Variants in WDPCP observed in about 807,000 individuals in gnomAD.
WDPCP encodes WD repeat-containing and planar cell polarity effector protein fritz homolog.
Under a neutral mutation model 93.1 loss-of-function variants are expected in WDPCP, and 71 were observed. The ratio of observed to expected loss-of-function variants is 0.76; its 90% CI spans 0.63 to 0.93. WDPCP has a LOEUF of 0.93. Among genes scored for constraint, WDPCP ranks in the 40% least tolerant of loss-of-function variants. The pLI, the probability that WDPCP is intolerant of heterozygous loss-of-function variation, is 0.00. For synonymous variants in WDPCP, 315 were observed against 315.0 expected, an observed-to-expected ratio of 1.00 and a Z score of 0.00; for missense variants, 844 against 887.4, an observed-to-expected ratio of 0.95 and a Z score of 0.62.
At chr2:63,359,126 C>A (rs1291247840) in intron 12 of WDPCP, among the ~76,000 whole-genome samples, 1 of 152,016 alleles carries the variant, frequency 6.6e-6, no homozygotes, top group Admixed American at 6.6e-5. Context: ...TTTTCCTTCT[C>A]CCTCCCTTGT....
At chr2:63,784,570 G>A (rs895763140) in intron 2 of WDPCP, among the ~76,000 whole-genome samples, 1 of 143,906 alleles carries the variant, frequency 6.9e-6, no homozygotes, top group Non-Finnish European at 1.5e-5. Flanking sequence ...TCTCTAGCTG[G>A]AGTGTGTGTG....
intron 9 of WDPCP, among the ~76,000 whole-genome samples, chr2:63,430,569 G>T (rs1336343587): frequency 6.6e-6 from 1 of 152,060 alleles, no homozygotes; most frequent in African/African-American, 2.4e-5. Flanking sequence ...AATTCTCTCT[G>T]TTCTGTTCTT....
intron 1 of WDPCP, among the ~76,000 whole-genome samples, chr2:63,537,237 G>GT (rs1159742227): frequency 2.0e-5 from 3 of 152,026 alleles, no homozygotes; most frequent in South Asian, 2.1e-4. Context: ...CTCTCTTGCT[G>GT]TTACTAGTTA....
chr2:63,556,854 G>A (rs1394403887), intron 1 of WDPCP, among the ~76,000 whole-genome samples: 4 of 152,138 alleles, frequency 2.6e-5, no homozygotes, highest in African/African-American at 9.7e-5. Flanking sequence ...AGAGATTGGG[G>A]GCCAATATTC....
intron 14 of WDPCP, among the ~76,000 whole-genome samples, chr2:63,191,539 T>G (rs1420479628): frequency 6.6e-6 from 1 of 152,184 alleles, no homozygotes; most frequent in African/African-American, 2.4e-5. Flanking sequence ...TTTTGCAGTA[T>G]TTGGCCTCCA....
chr2:63,638,432 C>A (rs1470601777), intron 3 of WDPCP, among the ~76,000 whole-genome samples: 1 of 152,018 alleles, frequency 6.6e-6, no homozygotes, highest in Non-Finnish European at 1.5e-5. Flanking sequence ...TATATCAAAT[C>A]ATCATCTTGT....
At chr2:63,207,158 T>C (rs1278970072) in intron 14 of WDPCP, among the ~76,000 whole-genome samples, 1 of 152,238 alleles carries the variant, frequency 6.6e-6, no homozygotes, top group Admixed American at 6.5e-5. Context: ...CTTACATAGA[T>C]GTCTCAAGTC....
intron 9 of WDPCP, among the ~76,000 whole-genome samples, chr2:63,405,248 A>T (rs1298577666): frequency 6.6e-6 from 1 of 152,184 alleles, no homozygotes; most frequent in Non-Finnish European, 1.5e-5. Context: ...TTTTACTATC[A>T]GAAAGGATAT....
intron 1 of WDPCP, among the ~76,000 whole-genome samples, chr2:63,553,268 T>A (rs938944017): frequency 2.0e-5 from 3 of 152,168 alleles, no homozygotes; most frequent in African/African-American, 7.2e-5. Flanking sequence ...TGATACAACA[T>A]TTTCTTTTAT....
chr2:63,521,741 G>A (rs546675789), intron 1 of WDPCP, among the ~76,000 whole-genome samples: 1 of 152,120 alleles, frequency 6.6e-6, no homozygotes, highest in East Asian at 1.9e-4. Context: ...TCTCTCATCT[G>A]GGCATAGCAC....
chr2:63,475,679 T>C (rs1699933837), intron 6 of WDPCP, among the ~76,000 whole-genome samples: 1 of 152,144 alleles, frequency 6.6e-6, no homozygotes, highest in Non-Finnish European at 1.5e-5. Flanking sequence ...AATCAAAATA[T>C]AAGTTAAGGC....
chr2:63,259,704 C>CTAT (rs1295086361), intron 13 of WDPCP, among the ~76,000 whole-genome samples: 1 of 152,070 alleles, frequency 6.6e-6, no homozygotes, highest in African/African-American at 2.4e-5. Flanking sequence ...ATGTTAATTG[C>CTAT]TATTTTTCTT....
intron 13 of WDPCP, among the ~76,000 whole-genome samples, chr2:63,293,346 C>T (rs979461686): frequency 2.0e-5 from 3 of 152,028 alleles, no homozygotes; most frequent in African/African-American, 7.2e-5. Flanking sequence ...ATCTTTGGCC[C>T]ACAGTCAGCC....
At chr2:63,434,236 AG>A (rs1208265182) in intron 8 of WDPCP, among the ~76,000 whole-genome samples, 1 of 151,922 alleles carries the variant, frequency 6.6e-6, no homozygotes, top group African/African-American at 2.4e-5. Flanking sequence ...GTTGCCTGAC[AG>A]CATCGACCTA....
At chr2:63,403,224 A>C (rs1260045257) in intron 10 of WDPCP, among the ~76,000 whole-genome samples, 3 of 152,200 alleles carry the variant, frequency 2.0e-5, no homozygotes, top group Admixed American at 2.0e-4. Flanking sequence ...CTAAATGATA[A>C]AAACTTATGA....
intron 13 of WDPCP, among the ~76,000 whole-genome samples, chr2:63,281,659 A>C (rs549921375): frequency 6.6e-6 from 1 of 152,250 alleles, no homozygotes. Context: ...AAGGAATTGA[A>C]TAATGGCATT....
chr2:63,308,294 G>A (rs1685903820), intron 13 of WDPCP, among the ~76,000 whole-genome samples: 1 of 152,208 alleles, frequency 6.6e-6, no homozygotes, highest in Non-Finnish European at 1.5e-5. Flanking sequence ...CGCTGTTGGT[G>A]AGAGCACAAA....
At chr2:63,429,095 G>A (rs1207611779) in intron 9 of WDPCP, among the ~76,000 whole-genome samples, 5 of 152,162 alleles carry the variant, frequency 3.3e-5, no homozygotes, top group Non-Finnish European at 5.9e-5. Flanking sequence ...TCAATAAATA[G>A]TGTTAGGATA....
At chr2:63,416,324 C>T (rs747897698) in intron 9 of WDPCP, among the ~76,000 whole-genome samples, 2 of 151,860 alleles carry the variant, frequency 1.3e-5, no homozygotes, top group Admixed American at 6.6e-5. Flanking sequence ...CTCAGCCTCC[C>T]GAGTAGCTGC....
Sources: gnomAD v4.1 joint callset for allele counts (sites outside exome capture counted in the v4.1 genomes callset) on GRCh38, gnomAD v4.1.1 for gene constraint, MANE v1.5 for transcripts, NCBI Gene and HGNC (gene_info 2026-07-23, HGNC 2026-07-21) for gene names.